Variants in LRMDA observed in about 807,000 individuals in gnomAD.
LRMDA encodes the protein leucine rich melanocyte differentiation associated.
Under a neutral mutation model 29.8 loss-of-function variants are expected in LRMDA, and 18 were observed. The observed-to-expected ratio is 0.60, with a 90% CI of 0.42 to 0.90. The LOEUF (loss-of-function observed/expected upper bound fraction) is 0.90. Among genes scored for constraint, LRMDA ranks in the 40% least tolerant of loss-of-function variants. LRMDA has a pLI of 0.00. For missense variants in LRMDA, 273 were observed against 273.9 expected, an observed-to-expected ratio of 1.00 and a Z score of 0.02; for synonymous variants, 125 against 109.4, an observed-to-expected ratio of 1.14 and a Z score of -0.89.
intron 2 of LRMDA, among the ~76,000 whole-genome samples, chr10:75,893,624 T>C (rs760622501): frequency 3.9e-5 from 6 of 152,252 alleles, no homozygotes; most frequent in Admixed American, 6.5e-5. Flanking sequence ...CCCAGACTCA[T>C]TGGGCATCTG....
intron 2 of LRMDA, among the ~76,000 whole-genome samples, chr10:75,649,091 C>G (rs1453972090): frequency 3.3e-5 from 5 of 152,166 alleles, no homozygotes; most frequent in African/African-American, 1.2e-4. Context: ...AGCTGAAACC[C>G]ATTAAACAGT....
At chr10:76,028,159 C>G (rs567137842) in intron 2 of LRMDA, among the ~76,000 whole-genome samples, 2 of 152,242 alleles carry the variant, frequency 1.3e-5, no homozygotes, top group South Asian at 4.1e-4. Flanking sequence ...CTTGACAAAA[C>G]TATGTTAAAA....
chr10:75,668,946 A>G (rs889710234), intron 2 of LRMDA, among the ~76,000 whole-genome samples: 19 of 152,118 alleles, frequency 1.2e-4, no homozygotes, highest in African/African-American at 3.4e-4. Context: ...CTTCTTTTCT[A>G]TCATATAGTG....
At chr10:75,908,516 T>TG (rs964280352) in intron 2 of LRMDA, among the ~76,000 whole-genome samples, 8 of 152,362 alleles carry the variant, frequency 5.3e-5, no homozygotes, top group African/African-American at 1.9e-4. Flanking sequence ...GTGCATTTTT[T>TG]GGGAGGAAGG....
chr10:76,222,490 A>C (rs1264113763), intron 5 of LRMDA, among the ~76,000 whole-genome samples: 1 of 149,190 alleles, frequency 6.7e-6, no homozygotes, highest in Non-Finnish European at 1.5e-5. Context: ...AAAAGAAGAC[A>C]GTTATGCAGC....
chr10:76,362,951 A>C (rs113376666), intron 6 of LRMDA, among the ~76,000 whole-genome samples: 7 of 151,444 alleles, frequency 4.6e-5, no homozygotes, highest in African/African-American at 1.7e-4. Flanking sequence ...GCTCCTCCAC[A>C]AAGTCATGAT....
chr10:76,366,333 G>A (rs1441049735), intron 6 of LRMDA, among the ~76,000 whole-genome samples: 1 of 152,184 alleles, frequency 6.6e-6, no homozygotes, highest in African/African-American at 2.4e-5. Flanking sequence ...TCTTTTGGCA[G>A]TATGGTCATT....
chr10:76,378,294 T>TA (rs1166979331), intron 6 of LRMDA, among the ~76,000 whole-genome samples: 3 of 151,774 alleles, frequency 2.0e-5, no homozygotes, highest in African/African-American at 7.3e-5. Flanking sequence ...GAGGAGTCGT[T>TA]AAAGTTTTCT....
At chr10:75,919,855 G>A (rs1180886986) in intron 2 of LRMDA, among the ~76,000 whole-genome samples, 1 of 152,030 alleles carries the variant, frequency 6.6e-6, no homozygotes, top group African/African-American at 2.4e-5. Context: ...TTTGCTCTGG[G>A]GCCTTCTGAT....
chr10:76,069,292 C>A (rs1358884527), intron 5 of LRMDA, among the ~76,000 whole-genome samples: 1 of 152,204 alleles, frequency 6.6e-6, no homozygotes, highest in African/African-American at 2.4e-5. Context: ...GCTGGTGCTA[C>A]AATTAGCCCT....
chr10:75,617,152 C>CTTTA, intron 2 of LRMDA, among the ~76,000 whole-genome samples: 1 of 152,158 alleles, frequency 6.6e-6, no homozygotes, highest in Admixed American at 6.5e-5. Context: ...CTGTAGTCAC[C>CTTTA]TCCAAGGCGT....
intron 6 of LRMDA, among the ~76,000 whole-genome samples, chr10:76,356,815 C>T (rs1429530769): frequency 6.6e-6 from 1 of 152,034 alleles, no homozygotes; most frequent in Non-Finnish European, 1.5e-5. Context: ...AATAATTCTT[C>T]TATGGTAAAG....
At chr10:76,023,627 T>C (rs1452689041) in intron 2 of LRMDA, among the ~76,000 whole-genome samples, 2 of 152,170 alleles carry the variant, frequency 1.3e-5, no homozygotes, top group East Asian at 3.9e-4. Context: ...TACAAAACAG[T>C]ACAGTGAGGC....
rs1358528446 is a variant in LRMDA, at chr10:76,397,238, C to T, written c.601+72753C>T. Among the ~76,000 whole-genome samples the T allele has an allele frequency of 2.0e-5, 3 of 152,052 alleles. No homozygotes were observed. The South Asian group carries it at 6.2e-4, about 32-fold the overall frequency. ...ACCAGACCAGGGTGGAGAAGGAGGCCGGGCTTTGCTCAGTTGTCACAAGGT... is the reference window on the plus strand; with the variant it reads ...ACCAGACCAGGGTGGAGAAGGAGGCTGGGCTTTGCTCAGTTGTCACAAGGT... On this transcript the variant is annotated intron_variant, in intron 6 of 6. Transcript: ENST00000611255.
intron 6 of LRMDA, among the ~76,000 whole-genome samples, chr10:76,451,155 T>C (rs532340802): frequency 6.6e-6 from 1 of 152,152 alleles, no homozygotes; most frequent in Non-Finnish European, 1.5e-5. Flanking sequence ...TGAAGTGATG[T>C]ACTTAATTTG....
chr10:75,940,711 G>A (rs938236492), intron 2 of LRMDA, among the ~76,000 whole-genome samples: 1 of 152,090 alleles, frequency 6.6e-6, no homozygotes, highest in Non-Finnish European at 1.5e-5. Flanking sequence ...CTTAGTAGGT[G>A]CTTCATAAAT....
chr10:76,377,442 G>T (rs915759732), intron 6 of LRMDA, among the ~76,000 whole-genome samples: 1 of 152,004 alleles, frequency 6.6e-6, no homozygotes, highest in African/African-American at 2.4e-5. Context: ...TTTGATTTGG[G>T]GCTCTTAGTT....
chr10:75,432,832 C>A (rs1191338495), intron 1 of LRMDA, among the ~76,000 whole-genome samples: 1 of 152,166 alleles, frequency 6.6e-6, no homozygotes, highest in Non-Finnish European at 1.5e-5. Context: ...AGAGTCCTGT[C>A]GTTTCATCAG....
At chr10:75,936,107 T>G (rs572136581) in intron 2 of LRMDA, among the ~76,000 whole-genome samples, 19 of 152,300 alleles carry the variant, frequency 1.2e-4, no homozygotes, top group African/African-American at 4.6e-4. Flanking sequence ...TTGTTTTATA[T>G]TTATCATTGT....
Sources: gnomAD v4.1 joint callset for allele counts (sites outside exome capture counted in the v4.1 genomes callset) on GRCh38, gnomAD v4.1.1 for gene constraint, MANE v1.5 for transcripts, NCBI Gene and HGNC (gene_info 2026-07-23, HGNC 2026-07-21) for gene names.